Variants in GTF3C2 observed in about 807,000 individuals in gnomAD.
GTF3C2 encodes general transcription factor IIIC subunit 2, also known as general transcription factor 3C polypeptide 2.
Under a neutral mutation model 117.4 loss-of-function variants are expected in GTF3C2, and 17 were observed. The observed-to-expected ratio is 0.14, with a 90% confidence interval of 0.10 to 0.22. The LOEUF is 0.22. GTF3C2 is among the 10% of genes least tolerant of loss of function. The probability of loss-of-function intolerance (pLI) is 1.00; values close to 1 mark genes in which losing one functional copy is unlikely to be tolerated. For missense variants in GTF3C2, 888 were observed against 1,143.6 expected (o/e 0.78, Z 3.22); for synonymous variants, 437 against 427.0 (o/e 1.02, Z -0.29).
At position 27,333,798 on chromosome 2, in the gene GTF3C2, A is replaced by G; in HGVS notation, c.1603-14T>C. ...CACACATTGTACCTGCAGGGAAAGA[A>G]GAGATGGGACTAGGGTTAGGGACAC... On this transcript the variant is annotated splice_polypyrimidine_tract_variant and intron_variant, in intron 11 of 18. Coordinates refer to ENST00000264720, the Ensembl canonical transcript of GTF3C2. 6.2e-7 allele frequency: 1 copy of G among 1,601,264 alleles called. No homozygotes were observed. Among genetic ancestry groups the G allele is most frequent in the Non-Finnish European group, 8.5e-7 (1 of 1,173,130 alleles).
At position 27,336,443 on chromosome 2, in the gene GTF3C2, A is replaced by C; in HGVS notation, c.1128-18T>G. ...AGCTAAATCTAGAGAAAAATCAAAGATGGGATGAAGAAAGGAATTAATGAA... is the reference window on the plus strand; with the variant it reads ...AGCTAAATCTAGAGAAAAATCAAAGCTGGGATGAAGAAAGGAATTAATGAA... On this transcript the variant is annotated intron_variant, in intron 7 of 18. Coordinates refer to ENST00000264720, the Ensembl canonical transcript of GTF3C2. 1.4e-6 allele frequency: 2 copies of C among 1,440,934 alleles called. No individual in the cohort carries two copies. Among genetic ancestry groups the C allele is most frequent in the South Asian group, 1.1e-5 (1 of 87,626 alleles). 89.3% of individuals were successfully genotyped at this position (1,440,934 alleles called of 1,614,324 possible).
At chr2:27,353,424 CTTAGTTTT>C (rs2148346632) in intron 1 of GTF3C2, among the ~76,000 whole-genome samples, 1 of 150,804 alleles carries the variant, frequency 6.6e-6, no homozygotes, top group East Asian at 2.0e-4. Context: ...TATGGTTCAA[CTTAGTTTT>C]TTAGTTTTTT....
rs1397126304 is a variant in GTF3C2, at chr2:27,340,190, T to G, written c.855+1758A>C. 7.7e-4 allele frequency: 117 copies of G among 152,220 alleles called. 1 individual carries two copies. Among genetic ancestry groups the G allele is most frequent in the Non-Finnish European group, 1.5e-4 (10 of 68,028 alleles). 9.4% of individuals were successfully genotyped at this position (152,220 alleles called of 1,614,324 possible). A position where few individuals can be genotyped will look rare whatever the true frequency, so the allele number is the denominator to read the frequency against. On this transcript the variant is annotated intron_variant, in intron 4 of 18. Coordinates refer to ENST00000264720, the Ensembl canonical transcript of GTF3C2. Reference sequence around the variant, plus strand: ...TAATTCTCTTACATATTCCATTATGTGAGAGAACACAGAAACAAAAGAATT... The same window carrying G: ...TAATTCTCTTACATATTCCATTATGGGAGAGAACACAGAAACAAAAGAATT...
At chr2:27,328,972 G>T in intron 14 of GTF3C2, 41 bp from the exon 15 acceptor site, 1 of 1,493,076 alleles carries the variant, frequency 6.7e-7, no homozygotes, top group Non-Finnish European at 9.3e-7. Flanking sequence ...CTTTTCTTTA[G>T]ATTCATTTCT....
intron 4 of GTF3C2, chr2:27,338,394 T>C: frequency 3.9e-6 from 1 of 255,538 alleles, no homozygotes; most frequent in Non-Finnish European, 7.6e-6. Context: ...GTCTCCTCGA[T>C]GATGGTATTC....
chr2:27,342,224 C>T (rs367819713), exon 4 of GTF3C2: 252 of 1,607,940 alleles, frequency 1.6e-4, no homozygotes, highest in Non-Finnish European at 1.8e-4. Flanking sequence ...CCTGAAGATA[C>T]AGAAGTGCCC....
chr2:27,337,867 G>T, intron 5 of GTF3C2, 59 bp downstream of exon 5: 1 of 964,596 alleles, frequency 1.0e-6, no homozygotes, highest in Non-Finnish European at 1.7e-6. Context: ...CTTCAATACC[G>T]CCCTTGCACT....
At chr2:27,328,633 T>A (rs777762421) in intron 15 of GTF3C2, 37 bp from the exon 16 acceptor site, 1 of 1,570,124 alleles carries the variant, frequency 6.4e-7, no homozygotes, top group Non-Finnish European at 8.8e-7. Flanking sequence ...ATTCATATAT[T>A]CATTCAGAGC....
At chr2:27,349,924 G>C (rs1681066490) in intron 1 of GTF3C2, among the ~76,000 whole-genome samples, 1 of 152,072 alleles carries the variant, frequency 6.6e-6, no homozygotes, top group South Asian at 2.1e-4. Context: ...ACAAGCATGA[G>C]CCACTGTGCC....
chr2:27,349,139 ATTTGATTTTT>A (rs1681027396), intron 1 of GTF3C2, among the ~76,000 whole-genome samples: 3 of 126,292 alleles, frequency 2.4e-5, no homozygotes, highest in Non-Finnish European at 3.3e-5. Context: ...GCCCAGCCTG[ATTTGATTTTT>A]TTTTTTTTTT....
chr2:27,351,881 T>C (rs1480626496), intron 1 of GTF3C2, among the ~76,000 whole-genome samples: 1 of 151,866 alleles, frequency 6.6e-6, no homozygotes, highest in Non-Finnish European at 1.5e-5. Flanking sequence ...ACGCCCCCCA[T>C]CTTGTAAAAA....
At chr2:27,337,266 C>T in exon 7 of GTF3C2, 1 of 1,609,292 alleles carries the variant, frequency 6.2e-7, no homozygotes. Context: ...TAGAGGGTGC[C>T]ATCTTCAGGT....
At chr2:27,327,381 G>T in intron 17 of GTF3C2, 97 bp from the exon 18 acceptor site, 1 of 601,292 alleles carries the variant, frequency 1.7e-6, no homozygotes, top group Non-Finnish European at 3.0e-6. Context: ...GGAGTGCAGT[G>T]GCGCGATCTT....
exon 15 of GTF3C2, chr2:27,328,924 G>C: frequency 6.3e-7 from 1 of 1,596,204 alleles, no homozygotes; most frequent in Non-Finnish European, 8.6e-7. Context: ...ATCCCACAGA[G>C]TCCATAACTG....
rs763721761 is a variant in GTF3C2, at chr2:27,337,480, C to A, written c.1028+1G>T. On this transcript the variant is annotated splice_donor_variant, in intron 6 of 18. Transcript: ENST00000264720. LOFTEE classifies it high-confidence loss of function. ...GCTACAGAGATGTTGCTTCAACTTA[C>A]AGCTCAGATAACAAGTGCCACTTCC... The A allele has an allele frequency of 6.2e-7, 1 of 1,602,310 alleles. No individual in the cohort carries two copies. The highest frequency in any genetic ancestry group is 2.2e-5 in the East Asian group (1 of 44,820).
chr2:27,343,868 A>G (rs1279657271), intron 1 of GTF3C2, among the ~76,000 whole-genome samples: 1 of 152,110 alleles, frequency 6.6e-6, no homozygotes, highest in East Asian at 1.9e-4. Flanking sequence ...CAACACAGCA[A>G]GACCCCTTCT....
At chr2:27,334,614 C>A (rs1680393293) in intron 10 of GTF3C2, among the ~76,000 whole-genome samples, 1 of 152,028 alleles carries the variant, frequency 6.6e-6, no homozygotes, top group Non-Finnish European at 1.5e-5. Context: ...CAATCCACCA[C>A]CCTCAATTAC....
chr2:27,341,056 G>C (rs1271596836), intron 4 of GTF3C2, among the ~76,000 whole-genome samples: 1 of 151,832 alleles, frequency 6.6e-6, no homozygotes, highest in Non-Finnish European at 1.5e-5. Context: ...TTGTTTTTGA[G>C]ATGGAGTCTC....
chr2:27,329,089 T>G lies in GTF3C2; in HGVS notation c.2039+32A>C. 1 of 1,610,282 alleles carries G rather than the reference T, an allele frequency of 6.2e-7. No individual in the cohort carries two copies. The highest frequency in any genetic ancestry group is 8.5e-7 in the Non-Finnish European group (1 of 1,176,746). On this transcript the variant is annotated intron_variant, in intron 14 of 18. Transcript: ENST00000264720. The surrounding 1 kb of genome is among the most constrained non-coding windows in gnomAD (Gnocchi z 4.5). Reference sequence around the variant, plus strand: ...TTTGCATTCCAACCCTTAGGGCCTGTCCCTAGAGGTCCTATCTCCATCTTG... The same window carrying G: ...TTTGCATTCCAACCCTTAGGGCCTGGCCCTAGAGGTCCTATCTCCATCTTG...
Sources: gnomAD v4.1 joint callset for allele counts (sites outside exome capture counted in the v4.1 genomes callset) on GRCh38, gnomAD v4.1.1 for gene constraint, Gnocchi (gnomAD v3.1) non-coding constraint, MANE v1.5 for transcripts, NCBI Gene and HGNC (gene_info 2026-07-23, HGNC 2026-07-21) for gene names.